Variants in TMEM138 observed in about 807,000 individuals in gnomAD.
TMEM138 encodes the protein transmembrane protein 138.
TMEM138 carries 9 observed loss-of-function variants against 18.1 expected under a neutral mutation model. The ratio of observed to expected loss-of-function variants is 0.50; its 90% CI spans 0.30 to 0.87. The LOEUF (loss-of-function observed/expected upper bound fraction) is 0.87. TMEM138 is among the 40% of genes least tolerant of loss of function. The pLI, the probability that TMEM138 is intolerant of heterozygous loss-of-function variation, is 0.06. For synonymous variants in TMEM138, 79 were observed against 74.8 expected (o/e 1.06, Z -0.29); for missense variants, 189 against 190.6 (o/e 0.99, Z 0.05).
At chr11:61,373,122 A>G (rs773515708), downstream of TMEM138, among the ~76,000 whole-genome samples, 34 of 152,276 alleles carry the variant, frequency 2.2e-4, no homozygotes, top group Non-Finnish European at 4.0e-4. Flanking sequence ...CCCCATCTTC[A>G]CGCCCGGTAG....
At chr11:61,367,739 G>T in intron 3 of TMEM138, 184 bp from the exon 4 acceptor site, 1 of 621,040 alleles carries the variant, frequency 1.6e-6, no homozygotes, top group Non-Finnish European at 2.9e-6. Flanking sequence ...AAAGTTAAAA[G>T]ATATTCCCTT....
intron 4 of TMEM138, chr11:61,368,264 G>T (rs1051050010): frequency 1.7e-6 from 1 of 572,460 alleles, no homozygotes; most frequent in South Asian, 1.8e-5. Context: ...TTGCTCTGTC[G>T]CCCAGGCTGG....
In TMEM138 at chr11:61,366,090, C is replaced by G; in HGVS notation, c.174C>G (p.Leu58=). 1 of 1,614,072 alleles carries G rather than the reference C, an allele frequency of 6.2e-7. No homozygotes were observed. Among genetic ancestry groups the G allele is most frequent in the Non-Finnish European group, 8.5e-7 (1 of 1,179,990 alleles). Reference sequence around the variant, plus strand: ...TCTTCAACATCATCATCATTTTCCTCATGTTCTTCAACACCTTCGTCTTCC... The same window carrying G: ...TCTTCAACATCATCATCATTTTCCTGATGTTCTTCAACACCTTCGTCTTCC... ...AVLFNIIIIF[L]MFFNTFVFQA... is the part of the protein sequence containing the mutation. Residue 58 remains leucine, a synonymous_variant, in exon 3 of 5, where the codon CTC becomes CTG. Transcript: ENST00000278826.
chr11:61,366,440 G>T, intron 3 of TMEM138: 1 of 472,876 alleles, frequency 2.1e-6, no homozygotes, highest in Non-Finnish European at 3.7e-6. Context: ...TCGCTAAAGG[G>T]CTAGGAATAA....
intron 3 of TMEM138, 49 bp downstream of exon 3, chr11:61,366,265 G>C (rs1858147951): frequency 5.7e-6 from 9 of 1,576,522 alleles, no homozygotes; most frequent in Non-Finnish European, 6.9e-6. Context: ...TTTAAATAGA[G>C]GTGGGGTCTT....
Position 61,368,702 on chromosome 11 carries a change from G to A in TMEM138, c.482G>A (p.Arg161Gln), listed in dbSNP as rs569659022. The change falls in exon 5 of 5, where the codon CGA becomes CAA. Residue 161 changes from arginine (R) to glutamine (Q), a missense_variant. Transcript: ENST00000278826. ...LWLRKEFMQV[R>Q]R Reference sequence around the variant, plus strand: ...CTGCGCAAGGAGTTCATGCAAGTTCGAAGGTGACCTCTTGTCACACTGATG... The same window carrying A: ...CTGCGCAAGGAGTTCATGCAAGTTCAAAGGTGACCTCTTGTCACACTGATG... The A allele has an allele frequency of 4.8e-5, 78 of 1,612,706 alleles. 2 individuals carry two copies. The South Asian group carries it at 6.3e-4, about 13-fold the overall frequency.
chr11:61,372,421 C>A (rs1156416645), downstream of TMEM138, among the ~76,000 whole-genome samples: 1 of 150,896 alleles, frequency 6.6e-6, no homozygotes, highest in Non-Finnish European at 1.5e-5. Context: ...CCTGCCTCAG[C>A]CTCCTGAGTT....
chr11:61,373,201 C>G (rs559968304), downstream of TMEM138, among the ~76,000 whole-genome samples: 1 of 152,288 alleles, frequency 6.6e-6, no homozygotes, highest in African/African-American at 2.4e-5. Context: ...TTCAACTCCT[C>G]AAGGCCCAGG....
At position 61,368,721 on chromosome 11, in the gene TMEM138, A is replaced by G; in HGVS notation, c.*12A>G. The G allele has an allele frequency of 6.3e-7, 1 of 1,592,504 alleles. No homozygotes were observed. The highest frequency in any genetic ancestry group is 8.6e-7 in the Non-Finnish European group (1 of 1,160,890). ...AAGTTCGAAGGTGACCTCTTGTCAC[A>G]CTGATGGATACTTTTCCTTCCTGAT... On this transcript the variant is annotated 3_prime_UTR_variant, in exon 5 of 5. Coordinates refer to ENST00000278826, the MANE Select transcript of TMEM138 (RefSeq NM_016464.5).
chr11:61,374,352 T>C (rs958864197), downstream of TMEM138, among the ~76,000 whole-genome samples: 1 of 151,906 alleles, frequency 6.6e-6, no homozygotes, highest in Admixed American at 6.6e-5. Flanking sequence ...GATTTCACCA[T>C]GTTGGCTAGG....
rs1010816133 is a variant in TMEM138, at chr11:61,367,550, C to T, written c.301-373C>T. On this transcript the variant is annotated intron_variant, in intron 3 of 4. Coordinates refer to ENST00000278826, the MANE Select transcript of TMEM138 (RefSeq NM_016464.5). ...GGTCCTGGCTTTGTACTATAAAAGC[C>T]GTTAATCTCATTAAACCCTGAGTAC... 4.0e-5 allele frequency: 7 copies of T among 175,382 alleles called. No homozygotes were observed. In the South Asian group the frequency reaches 6.7e-4, roughly 17 times the overall value. 10.9% of individuals were successfully genotyped at this position (175,382 alleles called of 1,614,324 possible).
At chr11:61,366,461 C>G (rs1039265562) in intron 3 of TMEM138, 1 of 400,606 alleles carries the variant, frequency 2.5e-6, no homozygotes, top group Non-Finnish European at 4.4e-6. Context: ...CTTTTCTTTT[C>G]TTTTCTTTTC....
intron 2 of TMEM138, among the ~76,000 whole-genome samples, chr11:61,365,299 T>C (rs1451218983): frequency 6.6e-6 from 1 of 151,756 alleles, no homozygotes; most frequent in Non-Finnish European, 1.5e-5. Context: ...TCTAGCTGTG[T>C]CGCCAGGCTG....
At chr11:61,368,563 C>T (rs755035112) in intron 4 of TMEM138, 34 bp from the exon 5 acceptor site, 1 of 1,482,720 alleles carries the variant, frequency 6.7e-7, no homozygotes, top group Admixed American at 1.7e-5. Context: ...CTCAGGAGCA[C>T]CCCTGAGGCT....
chr11:61,370,862 G>A (rs1189888713), downstream of TMEM138, among the ~76,000 whole-genome samples: 1 of 152,118 alleles, frequency 6.6e-6, no homozygotes, highest in East Asian at 1.9e-4. Flanking sequence ...GTCAGCTGCA[G>A]GTCAGCTAGG....
chr11:61,368,475 C>T (rs1283196362), intron 4 of TMEM138, 122 bp from the exon 5 acceptor site: 2 of 645,312 alleles, frequency 3.1e-6, no homozygotes, highest in Non-Finnish European at 5.6e-6. Flanking sequence ...ATCCGCCTGC[C>T]TCTGCCTCCT....
At position 61,364,488 on chromosome 11, in the gene TMEM138, A is replaced by G; in HGVS notation, c.98A>G (p.Lys33Arg). The change falls in exon 2 of 5, where the codon AAG becomes AGG. Residue 33 changes from lysine to arginine, a missense_variant. Physicochemically the swap from Lys to Arg is conservative, Grantham distance 26 (BLOSUM62 2). Coordinates refer to ENST00000278826, the MANE Select transcript of TMEM138 (RefSeq NM_016464.5). ...FVNSFSELLQ[K>R]TPVIQLVLFI... ...AATTCCTTCTCAGAACTGCTCCAAAAGACTCCTGTCATCCAGCTTGTGCTC... is the reference window on the plus strand; with the variant it reads ...AATTCCTTCTCAGAACTGCTCCAAAGGACTCCTGTCATCCAGCTTGTGCTC... The G allele has an allele frequency of 6.2e-7, 1 of 1,614,226 alleles. No homozygotes were observed. Among genetic ancestry groups the G allele is most frequent in the Non-Finnish European group, 8.5e-7 (1 of 1,180,036 alleles).
At chr11:61,371,785 G>A (rs574126519), downstream of TMEM138, among the ~76,000 whole-genome samples, 1 of 152,304 alleles carries the variant, frequency 6.6e-6, no homozygotes, top group Admixed American at 6.5e-5. Flanking sequence ...TAGACGCAAG[G>A]TGTACATTGA....
chr11:61,373,429 T>A (rs922134110), downstream of TMEM138, among the ~76,000 whole-genome samples: 3 of 152,208 alleles, frequency 2.0e-5, no homozygotes, highest in East Asian at 5.8e-4. Flanking sequence ...GAAGTTATAT[T>A]TAATTGGCTT....
Sources: allele counts gnomAD v4.1 joint callset (sites outside exome capture counted in the v4.1 genomes callset), GRCh38; gene constraint gnomAD v4.1.1; transcripts MANE v1.5; gene names NCBI Gene and HGNC (gene_info 2026-07-23, HGNC 2026-07-21).